Variants in CEP192 observed in about 807,000 individuals in gnomAD.
CEP192 encodes the protein centrosomal protein of 192 kDa.
A neutral mutation model predicts 271.8 loss-of-function variants in CEP192; 151 were observed. The ratio of observed to expected loss-of-function variants is 0.56; its 90% confidence interval spans 0.49 to 0.64. The LOEUF (loss-of-function observed/expected upper bound fraction) is 0.64. CEP192 is among the 30% of genes least tolerant of loss of function. CEP192 has a pLI of 0.00. For missense variants in CEP192, 2,910 were observed against 3,020.5 expected (o/e 0.96, Z 0.86); for synonymous variants, 995 against 1,076.5 (o/e 0.92, Z 1.48).
chr18:12,996,731 C>G (rs1490713902), intron 1 of CEP192, among the ~76,000 whole-genome samples: 1 of 152,066 alleles, frequency 6.6e-6, no homozygotes, highest in African/African-American at 2.4e-5. Flanking sequence ...GAAATGAAGC[C>G]AAGAAAGTAT....
chr18:13,055,158 A>G (rs1259590659), intron 18 of CEP192, among the ~76,000 whole-genome samples: 1 of 152,122 alleles, frequency 6.6e-6, no homozygotes, highest in African/African-American at 2.4e-5. Context: ...GGGTGCCTGT[A>G]ATCCCAGCTA....
At chr18:13,009,323 A>AT (rs1346490578) in intron 4 of CEP192, among the ~76,000 whole-genome samples, 2 of 152,182 alleles carry the variant, frequency 1.3e-5, no homozygotes, top group African/African-American at 2.4e-5. Flanking sequence ...ATGCTGTCGG[A>AT]TGGCCACAGC....
intron 30 of CEP192, among the ~76,000 whole-genome samples, chr18:13,076,513 C>T (rs908237674): frequency 2.0e-5 from 3 of 152,078 alleles, no homozygotes; most frequent in African/African-American, 7.2e-5. Flanking sequence ...ACGCACCCGG[C>T]CAATCATTCT....
At chr18:13,111,401 A>G (rs2040204095) in intron 40 of CEP192, among the ~76,000 whole-genome samples, 1 of 152,228 alleles carries the variant, frequency 6.6e-6, no homozygotes, top group Non-Finnish European at 1.5e-5. Flanking sequence ...CTGGGATTGC[A>G]GGCGTGAGCC....
chr18:13,088,350 T>C (rs1383444296), intron 32 of CEP192, among the ~76,000 whole-genome samples: 4 of 152,150 alleles, frequency 2.6e-5, no homozygotes, highest in Non-Finnish European at 4.4e-5. Context: ...CTTTGGAGGC[T>C]GAGGTGGGAA....
In CEP192 at chr18:13,087,528, C is replaced by A; in HGVS notation, c.5878-3C>A. The A allele has an allele frequency of 7.5e-7, 1 of 1,334,344 alleles. No individual in the cohort carries two copies. Among genetic ancestry groups the A allele is most frequent in the Non-Finnish European group, 1.0e-6 (1 of 962,558 alleles). 82.7% of individuals were successfully genotyped at this position (1,334,344 alleles called of 1,614,324 possible). On this transcript the variant is annotated splice_polypyrimidine_tract_variant and splice_region_variant and intron_variant, in intron 31 of 44. Coordinates refer to ENST00000506447, the MANE Select transcript of CEP192 (RefSeq NM_032142.4). ...ACTCCTGATTTTTTTTTCTTGGCAT[C>A]AGAATGTTACTTTAATATATAATCC...
Position 13,042,296 on chromosome 18 carries a change from A to G in CEP192, c.2029A>G (p.Asn677Asp), listed in dbSNP as rs1177896510. 1.2e-6 allele frequency: 2 copies of G among 1,614,080 alleles called. No individual in the cohort carries two copies. The highest frequency in any genetic ancestry group is 2.2e-5 in the East Asian group (1 of 44,856). Reference protein sequence around the residue: ...AVESTSQVDENDVTLTADKGK... With the variant: ...AVESTSQVDEDDVTLTADKGK... ...AGAGAGTACTTCACAAGTGGATGAA[A>G]ATGATGTGACGTTAACGGCTGATAA... is the stretch of plus-strand genomic sequence containing the variant. The change falls in exon 15 of 45, where the codon AAT (asparagine) becomes GAT (aspartate). Residue 677 changes from asparagine (N) to aspartate (D), a missense_variant. By Grantham distance (23) the Asn-to-Asp change is conservative. Coordinates refer to ENST00000506447, the MANE Select transcript of CEP192 (RefSeq NM_032142.4).
chr18:13,112,424 A>C (rs973670176), intron 40 of CEP192, among the ~76,000 whole-genome samples: 7 of 152,204 alleles, frequency 4.6e-5, no homozygotes, highest in Non-Finnish European at 1.0e-4. Flanking sequence ...GGACAGGCAG[A>C]TCTATAGAGA....
At chr18:13,022,665 G>A (rs369558175) in intron 9 of CEP192, among the ~76,000 whole-genome samples, 1 of 152,192 alleles carries the variant, frequency 6.6e-6, no homozygotes, top group Non-Finnish European at 1.5e-5. Context: ...ACAGGCATGA[G>A]CCACCATGCC....
chr18:13,043,220 T>C (rs1303419597), intron 15 of CEP192, among the ~76,000 whole-genome samples: 1 of 152,252 alleles, frequency 6.6e-6, no homozygotes, highest in Non-Finnish European at 1.5e-5. Context: ...TTGCTCATTT[T>C]TCCAATGGAC....
intron 5 of CEP192, 47 bp from the exon 6 acceptor site, chr18:13,015,281 C>T (rs777429055): frequency 4.6e-6 from 7 of 1,535,782 alleles, no homozygotes; most frequent in Non-Finnish European, 6.1e-6. Flanking sequence ...CTATGCTCTT[C>T]AGAGCCCTGA....
At chr18:13,091,724 CTTG>C (rs573204046) in intron 33 of CEP192, among the ~76,000 whole-genome samples, 5 of 152,198 alleles carry the variant, frequency 3.3e-5, no homozygotes, top group South Asian at 2.1e-4. Flanking sequence ...TTTAACATTT[CTTG>C]TTTATACAAA....
intron 42 of CEP192, among the ~76,000 whole-genome samples, chr18:13,115,861 G>A (rs573275086): frequency 6.6e-6 from 1 of 152,282 alleles, no homozygotes; most frequent in South Asian, 2.1e-4. Flanking sequence ...AGCTAGGTGT[G>A]AGGGGAAGGT....
At chr18:13,050,079 A>G (rs2036697637) in intron 17 of CEP192, among the ~76,000 whole-genome samples, 188 bp downstream of exon 17, 1 of 151,500 alleles carries the variant, frequency 6.6e-6, no homozygotes, top group Non-Finnish European at 1.5e-5. Context: ...TTTACTCTTT[A>G]TAACAATCAT....
rs2282542 is a variant in CEP192 at position 13,056,683 on chromosome 18, G to A, written c.4093G>A (p.Val1365Met). The change falls in exon 19 of 45, where the codon GTG becomes ATG. Residue 1365 changes from valine to methionine, a missense_variant. By Grantham distance (21) the Val-to-Met change is conservative. Coordinates refer to ENST00000506447, the MANE Select transcript of CEP192 (RefSeq NM_032142.4). The part of the protein sequence containing the change: ...NCGIEPWDSG[V>M]TSGLGSVRVP... ...TGGAATTGAACCATGGGATTCAGGA[G>A]TGACATCAGGATTGGGTAAGATGCT... The A allele has an allele frequency of 0.14, 218,295 of 1,601,634 alleles. 16,645 individuals carry two copies. Among genetic ancestry groups the A allele is most frequent in the East Asian group, 0.29 (12,893 of 44,794 alleles).
chr18:13,107,312 A>G (rs2039999989), intron 40 of CEP192, among the ~76,000 whole-genome samples: 2 of 152,244 alleles, frequency 1.3e-5, no homozygotes, highest in Admixed American at 1.3e-4. Context: ...GCTGAGCAAT[A>G]CAGTGAGACC....
chr18:13,016,124 T>C (rs1157212846), intron 6 of CEP192, among the ~76,000 whole-genome samples: 5 of 152,182 alleles, frequency 3.3e-5, no homozygotes, highest in Non-Finnish European at 7.3e-5. Flanking sequence ...AATTGTCAGA[T>C]TGGTTTTCAT....
At chr18:13,070,975 A>G (rs1428563801) in intron 27 of CEP192, 64 bp from the exon 28 acceptor site, 15 of 1,349,740 alleles carry the variant, frequency 1.1e-5, no homozygotes, top group Admixed American at 9.1e-5. Flanking sequence ...ATGGAAACAT[A>G]TAGGAAATAG....
At chr18:13,071,318 C>A (rs924272061) in intron 28 of CEP192, 106 bp downstream of exon 28, 6 of 924,432 alleles carry the variant, frequency 6.5e-6, no homozygotes, top group African/African-American at 5.0e-5. Flanking sequence ...ACTCTTCAGG[C>A]TCAATTGTGC....
Sources: allele counts gnomAD v4.1 joint callset (sites outside exome capture counted in the v4.1 genomes callset), GRCh38; gene constraint gnomAD v4.1.1; transcripts MANE v1.5; gene names NCBI Gene and HGNC (gene_info 2026-07-23, HGNC 2026-07-21).